The following TPCN1 variants were observed in gnomAD, a reference collection of about 807,000 sequenced individuals.
TPCN1 encodes two pore segment channel 1.
Under a neutral mutation model 108.8 loss-of-function variants are expected in TPCN1, and 52 were observed. The ratio of observed to expected loss-of-function variants is 0.48; its 90% CI spans 0.38 to 0.60. The LOEUF (loss-of-function observed/expected upper bound fraction) is 0.60. Among genes scored for constraint, TPCN1 ranks in the 20% least tolerant of loss-of-function variants. The pLI, the probability that TPCN1 is intolerant of heterozygous loss-of-function variation, is 0.00. For synonymous variants in TPCN1, 446 were observed against 433.7 expected, an observed-to-expected ratio of 1.03 and a Z score of -0.35; for missense variants, 806 against 1,072.8, an observed-to-expected ratio of 0.75 and a Z score of 3.47.
intron 1 of TPCN1, among the ~76,000 whole-genome samples, chr12:113,222,952 G>A (rs955014015): frequency 2.0e-5 from 3 of 152,064 alleles, no homozygotes; most frequent in Non-Finnish European, 4.4e-5. Flanking sequence ...TGGATACAAG[G>A]AAGTTCACGT....
At chr12:113,222,162 C>T (rs1220396371) in intron 1 of TPCN1, among the ~76,000 whole-genome samples, 1 of 152,174 alleles carries the variant, frequency 6.6e-6, no homozygotes, top group Non-Finnish European at 1.5e-5. Flanking sequence ...GGGCAAGTCT[C>T]TTCCCCTCTC....
Position 113,272,812 on chromosome 12 carries a change from T to G in TPCN1, c.783+120T>G. ...GGGGGGCCTGCCTGGTTTCTCATCA[T>G]AGCTTGTGTGTGCATTGCACCTGGG... On this transcript the variant is annotated intron_variant, in intron 8 of 27. Coordinates refer to ENST00000335509, the MANE Select transcript of TPCN1 (RefSeq NM_017901.6). The surrounding 1 kb of genome is among the most constrained non-coding windows in gnomAD (Gnocchi z 4.1). The G allele has an allele frequency of 3.0e-6, 3 of 1,005,186 alleles. No homozygotes were observed. Among genetic ancestry groups the G allele is most frequent in the Non-Finnish European group, 4.8e-6 (3 of 628,764 alleles). The allele number at this position is 1,005,186 out of a possible 1,614,324, so 62.3% of individuals were successfully genotyped here.
In TPCN1 at chr12:113,279,375, A is replaced by G. The variant is rs563471545; in HGVS notation, c.1297+540A>G. On this transcript the variant is annotated intron_variant, in intron 14 of 27. Coordinates refer to ENST00000335509, the MANE Select transcript of TPCN1 (RefSeq NM_017901.6). ...TGTGTGTGTGTATATATATATATAT[A>G]TATATATATATATATATTTTTTTTT... is the stretch of plus-strand genomic sequence containing the variant. 8.2e-3 allele frequency among the ~76,000 whole-genome samples: 200 copies of G among 24,414 alleles called. 6 individuals carry two copies. The highest frequency in any genetic ancestry group is 0.035 in the African/African-American group (183 of 5,290). The allele number at this position is 24,414 out of a possible 152,430, so 16.0% of individuals were successfully genotyped here.
In TPCN1 at chr12:113,268,681, G is replaced by A; in HGVS notation, c.529-61G>A. The A allele has an allele frequency of 5.0e-6, 8 of 1,598,810 alleles. No individual in the cohort carries two copies. The highest frequency in any genetic ancestry group is 6.8e-6 in the Non-Finnish European group (8 of 1,173,164). Reference sequence around the variant, plus strand: ...ACTGCCTCTCCAGCCCCCCGTTCCAGGTATGCAGGATGACGGCTGGGCTGC... The same window carrying A: ...ACTGCCTCTCCAGCCCCCCGTTCCAAGTATGCAGGATGACGGCTGGGCTGC... On this transcript the variant is annotated intron_variant, in intron 5 of 27. Transcript: ENST00000335509. The surrounding 1 kb of genome is among the most constrained non-coding windows in gnomAD (Gnocchi z 7.3).
chr12:113,292,858 C>T lies in TPCN1; in HGVS notation c.2114-76C>T, dbSNP rs1956312384. ...CCTTAAGACCCCCTGCGGAAGGGGG[C>T]AAGGAGGTACGAGACCCAGCCAGGT... is the stretch of plus-strand genomic sequence containing the variant. On this transcript the variant is annotated intron_variant, in intron 25 of 27. Coordinates refer to ENST00000335509, the MANE Select transcript of TPCN1 (RefSeq NM_017901.6). 4 of 1,532,072 alleles carry T rather than the reference C, an allele frequency of 2.6e-6. No homozygotes were observed. In the Admixed American group the frequency reaches 7.5e-5, roughly 29 times the overall value. The allele number at this position is 1,532,072 out of a possible 1,614,324, so 94.9% of individuals were successfully genotyped here.
rs769833027 is a variant in TPCN1, at chr12:113,226,957, TA to T, written c.106del (p.Ser36AlafsTer34). Reference protein sequence around the residue: ...SNGLGQEELPSKNGGSYAIHD... With the variant: ...SNGLGQEELPXKNGGSYAIHD... Reference sequence around the variant, plus strand: ...ACGGCCTGGGCCAAGAAGAGCTACCTAGCAAAAGTAAGATGGTGGGGTGGGC... The same window carrying T: ...ACGGCCTGGGCCAAGAAGAGCTACCTGCAAAAGTAAGATGGTGGGGTGGGC... On this transcript the variant is annotated frameshift_variant, in exon 2 of 28. Transcript: ENST00000335509. LOFTEE classifies it high-confidence loss of function. The T allele has an allele frequency of 6.2e-7, 1 of 1,612,448 alleles. No homozygotes were observed. Among genetic ancestry groups the T allele is most frequent in the African/African-American group, 1.3e-5 (1 of 74,876 alleles).
At position 113,273,808 on chromosome 12, in the gene TPCN1, T is replaced by G. The variant is rs1955585436; in HGVS notation, c.942+140T>G. ...GGGGCAGGAAGTCCCAGATTCATAG[T>G]CAGGTGCGGTGTTGCAGGGAATGCC... On this transcript the variant is annotated intron_variant, in intron 10 of 27. Coordinates refer to ENST00000335509, the MANE Select transcript of TPCN1 (RefSeq NM_017901.6). This position sits in a 1 kb window ranked among gnomAD's most constrained non-coding sequence, Gnocchi z 4.0. 1.2e-5 allele frequency: 9 copies of G among 779,252 alleles called. No homozygotes were observed. Among genetic ancestry groups the G allele is most frequent in the Non-Finnish European group, 1.6e-5 (7 of 447,194 alleles). 48.3% of individuals were successfully genotyped at this position (779,252 alleles called of 1,614,324 possible).
chr12:113,245,600 CA>C lies in TPCN1; in HGVS notation c.113-14747del, dbSNP rs766002477. Among the ~76,000 whole-genome samples, 184 of 43,194 alleles carry C rather than the reference CA, an allele frequency of 4.3e-3. 3 individuals carry two copies. The highest frequency in any genetic ancestry group is 0.02 in the South Asian group (26 of 1,270). The allele number at this position is 43,194 out of a possible 152,430, so 28.3% of individuals were successfully genotyped here. On this transcript the variant is annotated intron_variant, in intron 2 of 27. Coordinates refer to ENST00000335509, the MANE Select transcript of TPCN1 (RefSeq NM_017901.6). ...TGGGCGACAGAGCAAGACTCCGTCT[CA>C]AAAAAAAAAAAAAAAAAAAAGAAAA... is the stretch of plus-strand genomic sequence containing the variant.
chr12:113,281,870 C>A (rs1374691792), intron 15 of TPCN1, among the ~76,000 whole-genome samples: 2 of 150,852 alleles, frequency 1.3e-5, no homozygotes, highest in African/African-American at 2.4e-5. Flanking sequence ...GATAGTTCCT[C>A]TCCATGTGGA....
Position 113,288,108 on chromosome 12 carries a change from CG to C in TPCN1, c.1635-50del. 6.5e-7 allele frequency: 1 copy of C among 1,530,036 alleles called. No homozygotes were observed. Among genetic ancestry groups the C allele is most frequent in the Non-Finnish European group, 9.0e-7 (1 of 1,117,250 alleles). The allele number at this position is 1,530,036 out of a possible 1,614,324, so 94.8% of individuals were successfully genotyped here. Reference sequence around the variant, plus strand: ...AGGCGGGGCCGGCATGTTCTGAGGGCGGGGGCTGAGGCGTGCACCTGTGTGT... The same window carrying C: ...AGGCGGGGCCGGCATGTTCTGAGGGCGGGGCTGAGGCGTGCACCTGTGTGT... On this transcript the variant is annotated intron_variant, in intron 19 of 27. Coordinates refer to ENST00000335509, the MANE Select transcript of TPCN1 (RefSeq NM_017901.6). This position sits in a 1 kb window ranked among gnomAD's most constrained non-coding sequence, Gnocchi z 4.8.
rs530748947 is a variant in TPCN1, at chr12:113,288,348, G to A, written c.1706+114G>A. ...AGGAGTTCCACAAAGGACTGCAATCGAGGGCCTGACGGGGCTCCAAGGAGC... is the reference window on the plus strand; with the variant it reads ...AGGAGTTCCACAAAGGACTGCAATCAAGGGCCTGACGGGGCTCCAAGGAGC... On this transcript the variant is annotated intron_variant, in intron 20 of 27. Transcript: ENST00000335509. The surrounding 1 kb of genome is among the most constrained non-coding windows in gnomAD (Gnocchi z 4.8). The A allele has an allele frequency of 6.2e-5, 96 of 1,541,600 alleles. No homozygotes were observed. The highest frequency in any genetic ancestry group is 1.7e-4 in the Middle Eastern group (1 of 5,940).
Position 113,291,613 on chromosome 12 carries a change from G to T in TPCN1, c.1964G>T (p.Gly655Val). 2 of 1,612,524 alleles carry T rather than the reference G, an allele frequency of 1.2e-6. No individual in the cohort carries two copies. Among genetic ancestry groups the T allele is most frequent in the Non-Finnish European group, 8.5e-7 (1 of 1,179,480 alleles). ...VVNNWYIIMEGVTSQTSHWSR... is the reference protein window; with the variant it reads ...VVNNWYIIMEVVTSQTSHWSR... ...GCTGCTTCCCTTGGTCTCCAGGAAG[G>T]CGTCACCTCTCAGACCTCCCACTGG... Residue 655 changes from glycine to valine, a missense_variant, in exon 24 of 28, where the codon GGC (glycine) becomes GTC (valine). Coordinates refer to ENST00000335509, the MANE Select transcript of TPCN1 (RefSeq NM_017901.6).
chr12:113,270,673 G>T (rs1462964643), intron 7 of TPCN1, among the ~76,000 whole-genome samples: 2 of 152,108 alleles, frequency 1.3e-5, no homozygotes, highest in African/African-American at 4.8e-5. Flanking sequence ...TAGAGATGGG[G>T]TTTCACCATA....
chr12:113,238,249 T>C (rs1388472661), intron 2 of TPCN1, among the ~76,000 whole-genome samples: 1 of 152,224 alleles, frequency 6.6e-6, no homozygotes, highest in Non-Finnish European at 1.5e-5. Context: ...CTGATCTCTT[T>C]GCCCACATAT....
rs759258415 is a variant in TPCN1 at position 113,296,206 on chromosome 12, C to CA, written c.*131dup. Reference sequence around the variant, plus strand: ...TATTTATATACAGGAAGAAAAAAGACAGACAAGATGGGGCTTGGTTTATAA... The same window carrying CA: ...TATTTATATACAGGAAGAAAAAAGACAAGACAAGATGGGGCTTGGTTTATAA... On this transcript the variant is annotated 3_prime_UTR_variant, in exon 28 of 28. Transcript: ENST00000335509. The CA allele has an allele frequency of 2.0e-5, 27 of 1,379,150 alleles. No individual in the cohort carries two copies. The highest frequency in any genetic ancestry group is 2.5e-5 in the Non-Finnish European group (26 of 1,033,598). The allele number at this position is 1,379,150 out of a possible 1,614,324, so 85.4% of individuals were successfully genotyped here. A position where few individuals can be genotyped will look rare whatever the true frequency, so the allele number is the denominator to read the frequency against.
chr12:113,267,980 C>G (rs747302555), intron 5 of TPCN1, 24 bp downstream of exon 5: 13 of 1,510,902 alleles, frequency 8.6e-6, no homozygotes, highest in Non-Finnish European at 1.2e-5. Flanking sequence ...CCATCTGTCC[C>G]TCCCCTCACA....
At chr12:113,222,657 G>A (rs1029285787) in intron 1 of TPCN1, among the ~76,000 whole-genome samples, 15 of 152,202 alleles carry the variant, frequency 9.9e-5, no homozygotes, top group African/African-American at 3.1e-4. Context: ...ATTTGAATGC[G>A]AGGACTTTAA....
At chr12:113,248,316 T>C (rs984424498) in intron 2 of TPCN1, among the ~76,000 whole-genome samples, 6 of 152,238 alleles carry the variant, frequency 3.9e-5, no homozygotes, top group African/African-American at 1.4e-4. Context: ...TGCTGACCAC[T>C]TACACATTGT....
At position 113,231,707 on chromosome 12, in the gene TPCN1, C is replaced by G. The variant is rs1277803519; in HGVS notation, c.112+4743C>G. Among the ~76,000 whole-genome samples the G allele has an allele frequency of 6.6e-6, 1 of 152,138 alleles. No homozygotes were observed. Among genetic ancestry groups the G allele is most frequent in the East Asian group, 1.9e-4 (1 of 5,200 alleles). On this transcript the variant is annotated intron_variant, in intron 2 of 27. Transcript: ENST00000335509. This position sits in a 1 kb window ranked among gnomAD's most constrained non-coding sequence, Gnocchi z 4.3. ...TTATATGGGCAATTGTGGATTTAATCCAAGACTCAGACATCTTTGGGCTCT... is the reference window on the plus strand; with the variant it reads ...TTATATGGGCAATTGTGGATTTAATGCAAGACTCAGACATCTTTGGGCTCT...
Sources: allele counts gnomAD v4.1 joint callset (sites outside exome capture counted in the v4.1 genomes callset), GRCh38; gene constraint gnomAD v4.1.1; non-coding constraint Gnocchi (gnomAD v3.1); transcripts MANE v1.5; gene names NCBI Gene and HGNC (gene_info 2026-07-23, HGNC 2026-07-21).